The following JAZF1 variants were observed in gnomAD, a reference collection of about 807,000 sequenced individuals.
JAZF1 encodes juxtaposed with another zinc finger protein 1.
In JAZF1, 8 loss-of-function variants were observed where a neutral mutation model predicts 26.4. The ratio of observed to expected loss-of-function variants is 0.30; its 90% CI spans 0.18 to 0.55. JAZF1 has a LOEUF of 0.55. Among genes scored for constraint, JAZF1 ranks in the 20% least tolerant of loss-of-function variants. The probability of loss-of-function intolerance (pLI) is 0.94; values close to 1 mark genes in which losing one functional copy is unlikely to be tolerated. For synonymous variants in JAZF1, 126 were observed against 122.3 expected, an observed-to-expected ratio of 1.03 and a Z score of -0.20; for missense variants, 199 against 322.0, an observed-to-expected ratio of 0.62 and a Z score of 2.92.
At chr7:27,899,377 T>C (rs1305921869) in intron 2 of JAZF1, among the ~76,000 whole-genome samples, 1 of 152,246 alleles carries the variant, frequency 6.6e-6, no homozygotes, top group African/African-American at 2.4e-5. Flanking sequence ...TGGCCTAAGC[T>C]TTCCTCAATG....
chr7:27,984,402 A>C (rs1785654587), intron 2 of JAZF1, among the ~76,000 whole-genome samples: 1 of 152,244 alleles, frequency 6.6e-6, no homozygotes, highest in African/African-American at 2.4e-5. Flanking sequence ...AAGAAGAGCT[A>C]ACTATCCTAA....
intron 1 of JAZF1, among the ~76,000 whole-genome samples, chr7:27,998,191 C>A (rs1786061704): frequency 6.6e-6 from 1 of 152,086 alleles, no homozygotes; most frequent in Admixed American, 6.5e-5. Flanking sequence ...GGACCAGAAG[C>A]CCTGCGTCCT....
At chr7:27,877,295 A>G (rs1783695177) in intron 3 of JAZF1, among the ~76,000 whole-genome samples, 1 of 152,124 alleles carries the variant, frequency 6.6e-6, no homozygotes, top group African/African-American at 2.4e-5. Flanking sequence ...GAAATACCAA[A>G]CTTTTTTTTG....
chr7:28,044,605 C>A (rs1413223772), intron 1 of JAZF1, among the ~76,000 whole-genome samples: 1 of 152,046 alleles, frequency 6.6e-6, no homozygotes, highest in Admixed American at 6.6e-5. Flanking sequence ...AAGCTAATAA[C>A]CTATTCTTCT....
chr7:27,869,159 G>A (rs1202323395), intron 3 of JAZF1, among the ~76,000 whole-genome samples: 2 of 152,202 alleles, frequency 1.3e-5, no homozygotes, highest in African/African-American at 2.4e-5. Flanking sequence ...TTTTTACGTG[G>A]TTTGGTAATA....
intron 1 of JAZF1, among the ~76,000 whole-genome samples, chr7:28,124,500 C>G (rs1315141470): frequency 6.6e-6 from 1 of 152,140 alleles, no homozygotes; most frequent in Admixed American, 6.5e-5. Flanking sequence ...TCCCCAGTGC[C>G]GTCCTTTCAT....
chr7:27,862,812 G>A (rs1159651641), intron 3 of JAZF1, among the ~76,000 whole-genome samples: 5 of 152,184 alleles, frequency 3.3e-5, no homozygotes, highest in Admixed American at 1.3e-4. Context: ...GTGCATGTGC[G>A]TGTTCACATC....
intron 2 of JAZF1, among the ~76,000 whole-genome samples, chr7:27,982,750 G>T (rs1487149722): frequency 2.0e-5 from 3 of 152,150 alleles, no homozygotes; most frequent in Non-Finnish European, 4.4e-5. Context: ...AGCTTCCAGA[G>T]GAAGGATCAG....
chr7:28,116,447 C>T (rs1236081332), intron 1 of JAZF1, among the ~76,000 whole-genome samples: 1 of 152,018 alleles, frequency 6.6e-6, no homozygotes, highest in Non-Finnish European at 1.5e-5. Context: ...ATTTCTTTCT[C>T]TCTCTCTCTT....
At chr7:27,903,938 C>A (rs1348445636) in intron 2 of JAZF1, among the ~76,000 whole-genome samples, 3 of 152,180 alleles carry the variant, frequency 2.0e-5, no homozygotes, top group Non-Finnish European at 4.4e-5. Flanking sequence ...CAAAAACAAG[C>A]TTTTGAGAAA....
At chr7:28,033,697 A>G (rs1231215055) in intron 1 of JAZF1, among the ~76,000 whole-genome samples, 3 of 152,160 alleles carry the variant, frequency 2.0e-5, no homozygotes, top group Non-Finnish European at 4.4e-5. Context: ...CTGATTTTCA[A>G]ACAGCCCTGA....
At chr7:27,934,702 A>T (rs1398872493) in intron 2 of JAZF1, among the ~76,000 whole-genome samples, 1 of 152,208 alleles carries the variant, frequency 6.6e-6, no homozygotes, top group Non-Finnish European at 1.5e-5. Context: ...CACCAAGACA[A>T]TCACAGACCT....
chr7:27,984,864 A>G (rs1307037768), intron 2 of JAZF1, among the ~76,000 whole-genome samples: 4 of 152,254 alleles, frequency 2.6e-5, no homozygotes, highest in Non-Finnish European at 2.9e-5. Context: ...CTGGGTACAC[A>G]ACAAAATGAA....
At chr7:27,871,181 G>C (rs1278431047) in intron 3 of JAZF1, among the ~76,000 whole-genome samples, 1 of 152,168 alleles carries the variant, frequency 6.6e-6, no homozygotes, top group Non-Finnish European at 1.5e-5. Context: ...AACTGGTTTG[G>C]AGTTTGATTT....
At chr7:27,921,611 A>G (rs1167573996) in intron 2 of JAZF1, among the ~76,000 whole-genome samples, 1 of 152,190 alleles carries the variant, frequency 6.6e-6, no homozygotes, top group African/African-American at 2.4e-5. Flanking sequence ...CCTTGATAGC[A>G]AAATTTTGGA....
At chr7:28,016,527 A>C (rs1782896232) in intron 1 of JAZF1, among the ~76,000 whole-genome samples, 1 of 152,200 alleles carries the variant, frequency 6.6e-6, no homozygotes, top group Admixed American at 6.5e-5. Context: ...GGTCTCACCC[A>C]GACCAAATGA....
chr7:27,944,631 A>G (rs1015837260), intron 2 of JAZF1, among the ~76,000 whole-genome samples: 2 of 152,208 alleles, frequency 1.3e-5, no homozygotes, highest in Non-Finnish European at 2.9e-5. Context: ...TGACTGAAAC[A>G]TATGGATGTG....
intron 1 of JAZF1, among the ~76,000 whole-genome samples, chr7:28,012,429 T>C (rs1337330460): frequency 6.6e-6 from 1 of 152,188 alleles, no homozygotes; most frequent in East Asian, 1.9e-4. Context: ...GTAAACACTC[T>C]TTTTTTCTTT....
At position 27,831,278 on chromosome 7, in the gene JAZF1, G is replaced by C. The variant is rs1782688022; in HGVS notation, c.*1522C>G. On this transcript the variant is annotated 3_prime_UTR_variant, in exon 5 of 5. Transcript: ENST00000283928. ...CATCCTTTCAAAATGTCTGAAAATT[G>C]AGGAGGGACCCCTGCTTCCCAGTTA... 1 of 226,356 alleles carries C rather than the reference G, an allele frequency of 4.4e-6. No individual in the cohort carries two copies. The highest frequency in any genetic ancestry group is 2.2e-5 in the African/African-American group (1 of 44,952). 14.0% of individuals were successfully genotyped at this position (226,356 alleles called of 1,614,324 possible).
Sources: gnomAD v4.1 joint callset for allele counts (sites outside exome capture counted in the v4.1 genomes callset) on GRCh38, gnomAD v4.1.1 for gene constraint, MANE v1.5 for transcripts, NCBI Gene and HGNC (gene_info 2026-07-23, HGNC 2026-07-21) for gene names.